The following PTBP2 variants were observed in gnomAD, a reference collection of about 807,000 sequenced individuals.
PTBP2 encodes the protein polypyrimidine tract-binding protein 2.
Under a neutral mutation model 61.4 loss-of-function variants are expected in PTBP2, and 13 were observed. The ratio of observed to expected loss-of-function variants is 0.21; its 90% CI spans 0.14 to 0.34. PTBP2 has a LOEUF of 0.34. Ranked by LOEUF, PTBP2 falls within the 10% of genes least tolerant of loss-of-function variation. PTBP2 has a pLI of 1.00. For missense variants in PTBP2, 405 were observed against 642.6 expected, an observed-to-expected ratio of 0.63 and a Z score of 4.00; for synonymous variants, 215 against 218.5, an observed-to-expected ratio of 0.98 and a Z score of 0.14.
intron 8 of PTBP2, among the ~76,000 whole-genome samples, chr1:96,795,486 T>C (rs944465406): frequency 6.6e-6 from 1 of 152,100 alleles, no homozygotes; most frequent in Non-Finnish European, 1.5e-5. Context: ...AGATGTGATA[T>C]TTAAAATTTT....
At chr1:96,721,956 C>A in intron 1 of PTBP2, 84 bp downstream of exon 1, 1 of 1,527,644 alleles carries the variant, frequency 6.5e-7, no homozygotes, top group Non-Finnish European at 8.9e-7. Context: ...GGGAGAAACC[C>A]TCCCGCGGCC....
intron 2 of PTBP2, among the ~76,000 whole-genome samples, chr1:96,750,042 C>T (rs985248855): frequency 1.3e-5 from 2 of 151,974 alleles, no homozygotes; most frequent in African/African-American, 2.4e-5. Flanking sequence ...TAAACTTTAG[C>T]ATGCATCAGA....
chr1:96,738,579 T>C (rs1238910900), intron 2 of PTBP2, among the ~76,000 whole-genome samples: 1 of 152,210 alleles, frequency 6.6e-6, no homozygotes, highest in Non-Finnish European at 1.5e-5. Context: ...TGTACTTAAG[T>C]GATTATGAAC....
intron 4 of PTBP2, 34 bp downstream of exon 4, chr1:96,769,909 C>A: frequency 1.3e-6 from 2 of 1,490,822 alleles, no homozygotes; most frequent in Admixed American, 2.1e-5. Flanking sequence ...AAATGTTAAA[C>A]CCCAAACTAT....
At chr1:96,762,389 C>CG (rs1200917327) in intron 3 of PTBP2, among the ~76,000 whole-genome samples, 180 of 148,178 alleles carry the variant, frequency 1.2e-3, no homozygotes, top group African/African-American at 4.2e-3. Flanking sequence ...GCTGGCCGGG[C>CG]GGGGGGCTGA....
intron 3 of PTBP2, among the ~76,000 whole-genome samples, chr1:96,764,938 A>AGTT (rs1352389354): frequency 6.6e-6 from 1 of 152,202 alleles, no homozygotes; most frequent in African/African-American, 2.4e-5. Flanking sequence ...AAGAGTTAAT[A>AGTT]GTTACCTTTT....
chr1:96,806,556 T>C (rs971013551), intron 10 of PTBP2, 104 bp downstream of exon 10: 3 of 1,273,420 alleles, frequency 2.4e-6, no homozygotes, highest in African/African-American at 3.0e-5. Context: ...ATAGTAAATC[T>C]TTTGCTATTT....
intron 7 of PTBP2, among the ~76,000 whole-genome samples, chr1:96,779,438 C>CT (rs1283072293): frequency 1.3e-5 from 2 of 152,038 alleles, no homozygotes; most frequent in African/African-American, 2.4e-5. Context: ...TGTGTTTGAG[C>CT]TATAATTCTT....
chr1:96,803,741 G>A (rs1661246052), intron 8 of PTBP2, among the ~76,000 whole-genome samples: 1 of 152,058 alleles, frequency 6.6e-6, no homozygotes, highest in Non-Finnish European at 1.5e-5. Flanking sequence ...CCAGAAAGCT[G>A]GAAAGAAAGA....
At chr1:96,787,114 G>A (rs1451786416) in intron 8 of PTBP2, among the ~76,000 whole-genome samples, 2 of 152,092 alleles carry the variant, frequency 1.3e-5, no homozygotes, top group South Asian at 2.1e-4. Flanking sequence ...TCCGCCTCCC[G>A]GGTTCAAGCG....
intron 2 of PTBP2, among the ~76,000 whole-genome samples, chr1:96,744,395 A>C (rs1653466235): frequency 6.6e-6 from 1 of 152,080 alleles, no homozygotes; most frequent in South Asian, 2.1e-4. Context: ...ATCTGGGGAG[A>C]AAGATTATAG....
intron 2 of PTBP2, among the ~76,000 whole-genome samples, chr1:96,747,595 A>G (rs1472808114): frequency 1.3e-5 from 2 of 152,170 alleles, no homozygotes; most frequent in African/African-American, 2.4e-5. Flanking sequence ...TATTACAGGT[A>G]TATATATCGT....
downstream of PTBP2, chr1:96,817,461 T>A (rs978983275): frequency 1.3e-5 from 2 of 152,078 alleles, no homozygotes; most frequent in African/African-American, 4.8e-5. Context: ...ATAGCTTCCC[T>A]TTAAATTTTC....
At chr1:96,807,757 A>T (rs273884) in intron 11 of PTBP2, among the ~76,000 whole-genome samples, 44,413 of 152,116 alleles carry the variant, frequency 0.29, 7,213 homozygotes, top group South Asian at 0.44. Context: ...GAAAATTTTG[A>T]ATTTCAAACA....
At chr1:96,745,702 T>C (rs112113126) in intron 2 of PTBP2, among the ~76,000 whole-genome samples, 25 of 152,182 alleles carry the variant, frequency 1.6e-4, no homozygotes, top group East Asian at 5.8e-4. Context: ...TGCTGTGATA[T>C]ACTCTTTTGT....
rs1659101065 is a variant in PTBP2 at position 96,785,361 on chromosome 1, G to A, written c.904+107G>A. On this transcript the variant is annotated intron_variant, in intron 8 of 13. Transcript: ENST00000674951. ...TTTGGACCTTACCAAATTGTGTTAG[G>A]TTTCGTGAGTTTTCTTTTTCTCAAG... 4 of 833,636 alleles carry A rather than the reference G, an allele frequency of 4.8e-6. No homozygotes were observed. The South Asian group carries it at 7.6e-5, about 16-fold the overall frequency. 51.6% of individuals were successfully genotyped at this position (833,636 alleles called of 1,614,324 possible).
intron 2 of PTBP2, among the ~76,000 whole-genome samples, chr1:96,737,579 G>A (rs529133248): frequency 6.6e-6 from 1 of 152,174 alleles, no homozygotes; most frequent in Non-Finnish European, 1.5e-5. Context: ...TTGTCTGGTT[G>A]CAGGAAAGAG....
intron 2 of PTBP2, among the ~76,000 whole-genome samples, chr1:96,731,759 A>G (rs1183591006): frequency 6.6e-6 from 1 of 152,072 alleles, no homozygotes; most frequent in South Asian, 2.1e-4. Flanking sequence ...AAGAAAGAAT[A>G]TTTGTGAGTT....
chr1:96,793,876 G>A (rs890318525), intron 8 of PTBP2, among the ~76,000 whole-genome samples: 3 of 151,956 alleles, frequency 2.0e-5, no homozygotes, highest in Non-Finnish European at 4.4e-5. Flanking sequence ...AGGTATTACG[G>A]GCTACAGATG....
Sources: allele counts gnomAD v4.1 joint callset (sites outside exome capture counted in the v4.1 genomes callset), GRCh38; gene constraint gnomAD v4.1.1; transcripts MANE v1.5; gene names NCBI Gene and HGNC (gene_info 2026-07-23, HGNC 2026-07-21).